The following CYP2C8 variants were observed in gnomAD, a reference collection of about 807,000 sequenced individuals.
CYP2C8 encodes the protein cytochrome P450 2C8.
Under a neutral mutation model 41.3 loss-of-function variants are expected in CYP2C8, and 51 were observed. That is an observed-to-expected ratio of 1.24 (90% confidence interval 0.99 to 1.56). CYP2C8 has a LOEUF of 1.56. CYP2C8 is among the 40% of genes most tolerant of loss of function. The pLI is 0.00. For missense variants in CYP2C8, 651 were observed against 579.9 expected (o/e 1.12, Z -1.26); for synonymous variants, 218 against 205.8 (o/e 1.06, Z -0.51).
chr10:95,046,676 G>A (rs1056703793), intron 5 of CYP2C8, among the ~76,000 whole-genome samples: 2 of 151,202 alleles, frequency 1.3e-5, no homozygotes, highest in Admixed American at 1.3e-4. Context: ...TGTGAAGGGG[G>A]AGGTAGGATT....
chr10:95,064,593 A>G (rs1039461826), intron 4 of CYP2C8, among the ~76,000 whole-genome samples: 4 of 152,104 alleles, frequency 2.6e-5, no homozygotes, highest in African/African-American at 9.7e-5. Context: ...GGAAATTTTT[A>G]TTGTGCACAT....
At chr10:95,059,199 G>A (rs1169915011) in intron 4 of CYP2C8, among the ~76,000 whole-genome samples, 1 of 152,170 alleles carries the variant, frequency 6.6e-6, no homozygotes, top group Admixed American at 6.5e-5. Flanking sequence ...TCTAGTTCTA[G>A]ATCCCTGAGG....
Position 95,064,799 on chromosome 10 carries a change from C to G in CYP2C8, c.642+1G>C. ...CAAGGAAAATAAAATCTTGGCCTTA[C>G]CTGGATCCATGGGGAGTTCAGAATC... On this transcript the variant is annotated splice_donor_variant, in intron 4 of 8. Coordinates refer to ENST00000371270, the MANE Select transcript of CYP2C8 (RefSeq NM_000770.3). LOFTEE classifies it high-confidence loss of function. 2 of 1,613,744 alleles carry G rather than the reference C, an allele frequency of 1.2e-6. No homozygotes were observed. The highest frequency in any genetic ancestry group is 1.7e-6 in the Non-Finnish European group (2 of 1,179,802).
chr10:95,066,153 A>AGAGAGAGAGAGAGAGTGT (rs1342809282), intron 3 of CYP2C8, among the ~76,000 whole-genome samples: 9 of 88,272 alleles, frequency 1.0e-4, no homozygotes, highest in Admixed American at 2.3e-4. Flanking sequence ...AGAGAGAGAG[A>AGAGAGAGAGAGAGAGTGT]GTGTGTGTGT....
intron 5 of CYP2C8, among the ~76,000 whole-genome samples, chr10:95,057,356 T>C (rs1206476347): frequency 6.6e-6 from 1 of 152,178 alleles, no homozygotes; most frequent in Non-Finnish European, 1.5e-5. Flanking sequence ...GGTATATGAA[T>C]TTCATCTCAA....
chr10:95,058,711 G>C (rs946549370), intron 4 of CYP2C8, among the ~76,000 whole-genome samples, 200 bp from the exon 5 acceptor site: 6 of 152,082 alleles, frequency 3.9e-5, no homozygotes, highest in Admixed American at 6.6e-5. Context: ...TGTCACATAT[G>C]TATACATGTG....
In CYP2C8 at chr10:95,067,494, G is replaced by T. The variant is rs183769701; in HGVS notation, c.331+35C>A. ...TCTGTTTTCCATCCCCCTCACCCCA[G>T]TTACCAAAGCTGACACAGAAATATG... On this transcript the variant is annotated intron_variant, in intron 2 of 8. Coordinates refer to ENST00000371270, the MANE Select transcript of CYP2C8 (RefSeq NM_000770.3). The T allele has an allele frequency of 6.8e-6, 11 of 1,613,966 alleles. No individual in the cohort carries two copies. In the African/African-American group the frequency reaches 9.3e-5, roughly 14 times the overall value.
intron 2 of CYP2C8, 62 bp from the exon 3 acceptor site, chr10:95,067,419 C>G (rs2033594200): frequency 6.2e-7 from 1 of 1,613,456 alleles, no homozygotes; most frequent in African/African-American, 1.3e-5. Flanking sequence ...TGCTGCAACA[C>G]TTGGCAGCCA....
intron 6 of CYP2C8, among the ~76,000 whole-genome samples, 199 bp from the exon 7 acceptor site, chr10:95,043,276 C>T (rs1335414723): frequency 6.6e-6 from 1 of 152,118 alleles, no homozygotes; most frequent in Non-Finnish European, 1.5e-5. Flanking sequence ...CTAGTCATTA[C>T]AGTGCATAAG....
At chr10:95,057,010 C>A (rs914726150) in intron 5 of CYP2C8, among the ~76,000 whole-genome samples, 4 of 152,118 alleles carry the variant, frequency 2.6e-5, no homozygotes, top group African/African-American at 9.7e-5. Flanking sequence ...AAGCTCAGGG[C>A]AGTTTTGTGG....
rs556140037 is a variant in CYP2C8, at chr10:95,069,049, C to T, written c.168+186G>A. ...CTGCACTCCAGCCTGGGCAATAGAG[C>T]GAGACTCCGTCTCAAAAAAAAAAAA... On this transcript the variant is annotated intron_variant, in intron 1 of 8. Transcript: ENST00000371270. 41 of 679,320 alleles carry T rather than the reference C, an allele frequency of 6.0e-5. 2 individuals carry two copies. In the Middle Eastern group the frequency reaches 2.0e-3, roughly 33 times the overall value. The allele number at this position is 679,320 out of a possible 1,614,324, so 42.1% of individuals were successfully genotyped here.
At chr10:95,053,323 G>A (rs1202041927) in intron 5 of CYP2C8, among the ~76,000 whole-genome samples, 1 of 152,140 alleles carries the variant, frequency 6.6e-6, no homozygotes, top group Non-Finnish European at 1.5e-5. Context: ...TGGTGGGAGT[G>A]TAAATTACTT....
chr10:95,037,101 A>G lies in CYP2C8; in HGVS notation c.*27T>C, dbSNP rs2134403410. On this transcript the variant is annotated 3_prime_UTR_variant, in exon 9 of 9. Coordinates refer to ENST00000371270, the MANE Select transcript of CYP2C8 (RefSeq NM_000770.3). Reference sequence around the variant, plus strand: ...AAAAAAGAGTTGCAGGTGATAGCAGATCGGCAGCCAGATGGGCTAGCATTC... The same window carrying G: ...AAAAAAGAGTTGCAGGTGATAGCAGGTCGGCAGCCAGATGGGCTAGCATTC... 6.2e-7 allele frequency: 1 copy of G among 1,609,846 alleles called. No homozygotes were observed. Among genetic ancestry groups the G allele is most frequent in the East Asian group, 2.2e-5 (1 of 44,854 alleles).
At chr10:95,052,750 A>C (rs768584653) in intron 5 of CYP2C8, among the ~76,000 whole-genome samples, 4 of 152,132 alleles carry the variant, frequency 2.6e-5, no homozygotes, top group African/African-American at 9.7e-5. Flanking sequence ...ACACCCCTTC[A>C]TGGTAAAAGC....
intron 4 of CYP2C8, among the ~76,000 whole-genome samples, chr10:95,060,205 T>C (rs1449327860): frequency 2.0e-5 from 3 of 151,952 alleles, no homozygotes; most frequent in African/African-American, 4.8e-5. Flanking sequence ...TTGATGGGGA[T>C]GGCATTGAAT....
intron 5 of CYP2C8, among the ~76,000 whole-genome samples, chr10:95,055,624 C>T (rs1359575077): frequency 6.6e-6 from 1 of 152,142 alleles, no homozygotes; most frequent in African/African-American, 2.4e-5. Context: ...AACTGGGCCT[C>T]ACCAAATTAA....
rs145992929 is a variant in CYP2C8 at position 95,067,295 on chromosome 10, G to A, written c.394C>T (p.Arg132Trp). The change falls in exon 3 of 9, where the codon CGG (arginine) becomes TGG (tryptophan). Residue 132 changes from arginine to tryptophan, a missense_variant. Transcript: ENST00000371270. ...CTCCTCTTCCCCATCCCAAAATTCCGCAAGGTTGTGAGGGAGAAACGCCGG... is the reference window on the plus strand; with the variant it reads ...CTCCTCTTCCCCATCCCAAAATTCCACAAGGTTGTGAGGGAGAAACGCCGG... Reference protein sequence around the residue: ...EIRRFSLTTLRNFGMGKRSIE... With the variant: ...EIRRFSLTTLWNFGMGKRSIE... The A allele has an allele frequency of 1.5e-4, 239 of 1,614,104 alleles. 2 individuals carry two copies. The South Asian group carries it at 1.5e-3, about 10-fold the overall frequency.
At chr10:95,064,429 AG>A (rs373242054) in intron 4 of CYP2C8, among the ~76,000 whole-genome samples, 76 of 152,300 alleles carry the variant, frequency 5.0e-4, no homozygotes, top group Non-Finnish European at 9.0e-4. Context: ...CCTCCAAGCC[AG>A]GTGCAGGATA....
At chr10:95,044,330 A>C (rs902715286) in intron 6 of CYP2C8, among the ~76,000 whole-genome samples, 5 of 152,190 alleles carry the variant, frequency 3.3e-5, no homozygotes, top group Non-Finnish European at 5.9e-5. Flanking sequence ...TTGAATGCTG[A>C]TATTTTATAT....
Sources: gnomAD v4.1 joint callset for allele counts (sites outside exome capture counted in the v4.1 genomes callset) on GRCh38, gnomAD v4.1.1 for gene constraint, MANE v1.5 for transcripts, NCBI Gene and HGNC (gene_info 2026-07-23, HGNC 2026-07-21) for gene names.